The following PDE3A variants were observed in gnomAD, a reference collection of about 807,000 sequenced individuals.
The protein encoded by PDE3A is cGMP-inhibited 3',5'-cyclic phosphodiesterase 3A.
In PDE3A, 43 loss-of-function variants were observed where a neutral mutation model predicts 98.3. The ratio of observed to expected loss-of-function variants is 0.44; its 90% confidence interval spans 0.34 to 0.56. PDE3A has a LOEUF of 0.56. Among genes scored for constraint, PDE3A ranks in the 20% least tolerant of loss-of-function variants. The pLI, the probability that PDE3A is intolerant of heterozygous loss-of-function variation, is 0.01. For synonymous variants in PDE3A, 663 were observed against 567.9 expected, an observed-to-expected ratio of 1.17 and a Z score of -2.38; for missense variants, 1,427 against 1,440.7, an observed-to-expected ratio of 0.99 and a Z score of 0.15.
chr12:20,372,924 T>G (rs1337553028), intron 1 of PDE3A, among the ~76,000 whole-genome samples: 1 of 152,142 alleles, frequency 6.6e-6, no homozygotes, highest in African/African-American at 2.4e-5. Flanking sequence ...TGGCAGTGGC[T>G]GGTTACTGAT....
intron 2 of PDE3A, among the ~76,000 whole-genome samples, chr12:20,608,674 G>GA (rs1326372313): frequency 3.3e-5 from 5 of 151,476 alleles, no homozygotes; most frequent in Non-Finnish European, 5.9e-5. Context: ...TTACTTTAAA[G>GA]AAAAAATAAA....
At chr12:20,635,885 T>C (rs1229234951) in intron 8 of PDE3A, among the ~76,000 whole-genome samples, 6 of 152,190 alleles carry the variant, frequency 3.9e-5, no homozygotes, top group African/African-American at 7.2e-5. Context: ...GCATTATTGG[T>C]CTCTTAATGG....
At chr12:20,408,059 T>C (rs969726585) in intron 1 of PDE3A, among the ~76,000 whole-genome samples, 2 of 152,066 alleles carry the variant, frequency 1.3e-5, no homozygotes, top group East Asian at 3.9e-4. Context: ...TAGCTGGGAC[T>C]ACAGGTGCGC....
intron 10 of PDE3A, 148 bp downstream of exon 10, chr12:20,640,105 C>T (rs901810699): frequency 1.6e-5 from 8 of 515,470 alleles, no homozygotes; most frequent in East Asian, 9.7e-5. Context: ...TAGGAAATAT[C>T]GCCTGTGTGT....
intron 1 of PDE3A, among the ~76,000 whole-genome samples, chr12:20,458,450 G>C (rs902279515): frequency 1.3e-5 from 2 of 151,820 alleles, no homozygotes; most frequent in African/African-American, 4.8e-5. Flanking sequence ...GAGTGTGCTG[G>C]GTTACATTTT....
intron 1 of PDE3A, among the ~76,000 whole-genome samples, chr12:20,502,562 C>T (rs1946042748): frequency 6.6e-6 from 1 of 152,028 alleles, no homozygotes; most frequent in African/African-American, 2.4e-5. Context: ...AGGGACTTTC[C>T]CTACTTGGTT....
intron 2 of PDE3A, among the ~76,000 whole-genome samples, chr12:20,568,518 T>C (rs1942716348): frequency 6.6e-6 from 1 of 151,976 alleles, no homozygotes; most frequent in South Asian, 2.1e-4. Context: ...ATACATATTA[T>C]ATGCATAGCT....
intron 2 of PDE3A, among the ~76,000 whole-genome samples, chr12:20,557,922 G>A (rs1378255912): frequency 2.6e-5 from 4 of 151,992 alleles, no homozygotes; most frequent in African/African-American, 4.8e-5. Context: ...CAGTAATGAA[G>A]GGATTAAATT....
At chr12:20,416,063 T>A (rs1448995809) in intron 1 of PDE3A, among the ~76,000 whole-genome samples, 1 of 152,178 alleles carries the variant, frequency 6.6e-6, no homozygotes, top group African/African-American at 2.4e-5. Context: ...CCCATCACTG[T>A]TTTATTTAGA....
intron 1 of PDE3A, among the ~76,000 whole-genome samples, chr12:20,511,030 G>C (rs1946211421): frequency 6.6e-6 from 1 of 151,996 alleles, no homozygotes; most frequent in African/African-American, 2.4e-5. Flanking sequence ...AAAGGACTCT[G>C]TCACTTCTCC....
intron 2 of PDE3A, among the ~76,000 whole-genome samples, chr12:20,611,814 A>G (rs1224194856): frequency 6.6e-6 from 1 of 151,816 alleles, no homozygotes; most frequent in Admixed American, 6.6e-5. Flanking sequence ...CCACTGAACA[A>G]TATTTTCTAG....
chr12:20,542,784 A>G (rs1941953103), intron 1 of PDE3A, among the ~76,000 whole-genome samples: 1 of 152,044 alleles, frequency 6.6e-6, no homozygotes, highest in Non-Finnish European at 1.5e-5. Flanking sequence ...TTTATAGATT[A>G]GTCTCCTGAA....
At chr12:20,623,358 C>G (rs993295019) in intron 5 of PDE3A, among the ~76,000 whole-genome samples, 2 of 152,094 alleles carry the variant, frequency 1.3e-5, no homozygotes, top group African/African-American at 2.4e-5. Flanking sequence ...TGAAACTACA[C>G]AACACCAAAG....
At position 20,368,840 on chromosome 12, in the gene PDE3A, C is replaced by T. The variant is rs1187458267; in HGVS notation, c.-445C>T. 6.6e-6 allele frequency among the ~76,000 whole-genome samples: 1 copy of T among 151,950 alleles called. No homozygotes were observed. ...AGCGCCGAGCTGCGCCTCGGAATGG[C>T]CCGGAGCCCGCCCTGCGCCCCCGGC... On this transcript the variant is annotated 5_prime_UTR_variant, in exon 1 of 16. Coordinates refer to ENST00000359062, the MANE Select transcript of PDE3A (RefSeq NM_000921.5).
intron 1 of PDE3A, among the ~76,000 whole-genome samples, chr12:20,536,615 T>C (rs988192617): frequency 1.3e-5 from 2 of 152,122 alleles, no homozygotes; most frequent in African/African-American, 2.4e-5. Flanking sequence ...TCCAGACTTT[T>C]CTTATAAAAG....
intron 15 of PDE3A, among the ~76,000 whole-genome samples, chr12:20,671,099 A>C (rs536978715): frequency 5.0e-5 from 7 of 138,808 alleles, no homozygotes; most frequent in African/African-American, 2.0e-4. Flanking sequence ...GAAAATCTAG[A>C]AGAAATGGAT....
intron 12 of PDE3A, 129 bp downstream of exon 12, chr12:20,647,079 CAG>C (rs1326750484): frequency 1.6e-6 from 1 of 632,466 alleles, no homozygotes; most frequent in Non-Finnish European, 2.8e-6. Flanking sequence ...TTGAAATTCT[CAG>C]AGACCGTGCT....
chr12:20,574,419 G>A (rs760504725), intron 2 of PDE3A, among the ~76,000 whole-genome samples: 1 of 152,048 alleles, frequency 6.6e-6, no homozygotes, highest in Non-Finnish European at 1.5e-5. Context: ...GAATGTATAC[G>A]TGACCTTAAT....
intron 1 of PDE3A, among the ~76,000 whole-genome samples, chr12:20,515,759 G>C: frequency 6.7e-6 from 1 of 148,392 alleles, no homozygotes; most frequent in East Asian, 2.0e-4. Context: ...TTGAGACGGA[G>C]TCTCGCTCTG....
Sources: allele counts gnomAD v4.1 joint callset (sites outside exome capture counted in the v4.1 genomes callset), GRCh38; gene constraint gnomAD v4.1.1; transcripts MANE v1.5; gene names NCBI Gene and HGNC (gene_info 2026-07-23, HGNC 2026-07-21).